The following PARVB variants were observed in gnomAD, a reference collection of about 807,000 sequenced individuals.
The protein encoded by PARVB is beta-parvin.
In PARVB, 46 loss-of-function variants were observed where a neutral mutation model predicts 47.0. That is an observed-to-expected ratio of 0.98 (90% CI 0.77 to 1.25). The LOEUF is 1.25. Among genes scored for constraint, PARVB ranks in the 50% most tolerant of loss-of-function variants. PARVB has a pLI of 0.00. For missense variants in PARVB, 473 were observed against 471.6 expected, an observed-to-expected ratio of 1.00 and a Z score of -0.03; for synonymous variants, 196 against 196.3, an observed-to-expected ratio of 1.00 and a Z score of 0.01.
rs565126055 is a variant in PARVB, at chr22:44,167,242, G to A, written c.1019-1360G>A. 3.0e-4 allele frequency among the ~76,000 whole-genome samples: 45 copies of A among 152,334 alleles called. 1 individual carries two copies. The East Asian group carries it at 6.8e-3, about 23-fold the overall frequency. On this transcript the variant is annotated intron_variant, in intron 12 of 12. Coordinates refer to ENST00000338758, the MANE Select transcript of PARVB (RefSeq NM_013327.5). Reference sequence around the variant, plus strand: ...TGGCTCGCTCCAAATTCACAGAGCCGAGTGCGGAGCTCGATGGTGGGGTGG... The same window carrying A: ...TGGCTCGCTCCAAATTCACAGAGCCAAGTGCGGAGCTCGATGGTGGGGTGG...
In PARVB at chr22:44,017,473, A is replaced by C. The variant is rs2050595825; in HGVS notation, c.211+17800A>C. On this transcript the variant is annotated intron_variant, in intron 2 of 13. Transcript: ENST00000406477. ...TGCCAGGAACCCTCCAGTAACGCAA[A>C]GCCCAAGACAGTTCCTCTTACAATT... Among the ~76,000 whole-genome samples the C allele has an allele frequency of 2.0e-5, 3 of 152,210 alleles. No homozygotes were observed. In the South Asian group the frequency reaches 6.2e-4, roughly 32 times the overall value.
chr22:44,164,202 G>C (rs1180003464), intron 12 of PARVB, among the ~76,000 whole-genome samples: 1 of 152,170 alleles, frequency 6.6e-6, no homozygotes, highest in African/African-American at 2.4e-5. Flanking sequence ...GATTAAGTGC[G>C]TCTCTAGCTG....
rs1209254854 is a variant in PARVB at position 44,044,322 on chromosome 22, CT to C, written c.112+19872del. 7.3e-5 allele frequency among the ~76,000 whole-genome samples: 11 copies of C among 151,556 alleles called. No homozygotes were observed. The East Asian group carries it at 1.9e-3, about 27-fold the overall frequency. The stretch of plus-strand genomic sequence containing the variant: ...TCTTCTGCCTCAGCCTCCCGAGTAG[CT>C]GGGACTACAGGCACCCGCCACAGTG... On this transcript the variant is annotated intron_variant, in intron 1 of 12. Coordinates refer to ENST00000338758, the MANE Select transcript of PARVB (RefSeq NM_013327.5).
chr22:44,153,292 A>G (rs2053850078), intron 10 of PARVB: 1 of 152,058 alleles, frequency 6.6e-6, no homozygotes. Context: ...ACTGCAGTTC[A>G]TGGTTGGATG....
At chr22:44,074,557 G>A (rs1156742469) in intron 1 of PARVB, among the ~76,000 whole-genome samples, 1 of 152,194 alleles carries the variant, frequency 6.6e-6, no homozygotes, top group Non-Finnish European at 1.5e-5. Flanking sequence ...AGGGCTTCAG[G>A]CAAGCTGCTG....
chr22:44,137,246 C>G (rs1374195650), intron 7 of PARVB, among the ~76,000 whole-genome samples: 2 of 152,222 alleles, frequency 1.3e-5, no homozygotes, highest in Non-Finnish European at 2.9e-5. Flanking sequence ...CCACTCGTGG[C>G]TTGCAAGCTC....
At chr22:44,028,786 C>T (rs184827782) in intron 1 of PARVB, among the ~76,000 whole-genome samples, 1 of 152,302 alleles carries the variant, frequency 6.6e-6, no homozygotes, top group Non-Finnish European at 1.5e-5. Flanking sequence ...TCTGCATCCT[C>T]ACCAGTATTT....
At chr22:44,096,353 A>G (rs2147054120) in intron 2 of PARVB, among the ~76,000 whole-genome samples, 1 of 152,314 alleles carries the variant, frequency 6.6e-6, no homozygotes, top group African/African-American at 2.4e-5. Flanking sequence ...AGCCAAGATC[A>G]CACCACTGCA....
intron 2 of PARVB, among the ~76,000 whole-genome samples, chr22:44,018,673 C>T (rs936108414): frequency 1.3e-5 from 2 of 152,246 alleles, no homozygotes; most frequent in East Asian, 1.9e-4. Context: ...GGGGTTTCCT[C>T]GCTTGGTCCT....
chr22:44,015,606 G>A (rs140454231), intron 2 of PARVB, among the ~76,000 whole-genome samples: 4,554 of 152,274 alleles, frequency 0.03, 92 homozygotes, highest in African/African-American at 0.048. Flanking sequence ...ATCACCTGAG[G>A]TCAGGAGTTT....
intron 12 of PARVB, among the ~76,000 whole-genome samples, chr22:44,165,390 G>A (rs775782309): frequency 3.3e-5 from 5 of 152,204 alleles, no homozygotes; most frequent in African/African-American, 4.8e-5. Flanking sequence ...CTGCTCGACA[G>A]CACGGATCAA....
At chr22:44,150,916 G>C (rs1013214797) in intron 9 of PARVB, 1 of 151,792 alleles carries the variant, frequency 6.6e-6, no homozygotes, top group Non-Finnish European at 1.5e-5. Flanking sequence ...CCAGCTACTC[G>C]GGAGGCTGAG....
chr22:44,082,253 T>G (rs1392462912), intron 1 of PARVB, among the ~76,000 whole-genome samples: 1 of 152,182 alleles, frequency 6.6e-6, no homozygotes, highest in Non-Finnish European at 1.5e-5. Context: ...GTGCGGTGGT[T>G]CGTGCCTGTA....
At chr22:44,008,732 T>A (rs1346938383) in intron 2 of PARVB, among the ~76,000 whole-genome samples, 2 of 151,872 alleles carry the variant, frequency 1.3e-5, no homozygotes, top group Non-Finnish European at 2.9e-5. Context: ...ATGCCTGTAA[T>A]CCCAGCGCTT....
Position 44,172,390 on chromosome 22 carries a change from G to A in PARVB, c.*3712G>A, listed in dbSNP as rs994832821. The A allele has an allele frequency of 6.5e-6, 1 of 153,214 alleles. No homozygotes were observed. Among genetic ancestry groups the A allele is most frequent in the East Asian group, 1.9e-4 (1 of 5,194 alleles). 9.5% of individuals were successfully genotyped at this position (153,214 alleles called of 1,614,324 possible). A position where few individuals can be genotyped will look rare whatever the true frequency, so the allele number is the denominator to read the frequency against. ...AGGAACTGAGTGAAAGCAAGGCCAA[G>A]TATGTCCACCCATGGGGACAAACGT... is the stretch of plus-strand genomic sequence containing the variant. On this transcript the variant is annotated 3_prime_UTR_variant, in exon 13 of 13. Transcript: ENST00000338758.
At chr22:44,025,814 C>T (rs1360727714) in intron 1 of PARVB, among the ~76,000 whole-genome samples, 1 of 152,216 alleles carries the variant, frequency 6.6e-6, no homozygotes. Flanking sequence ...CGATTATAGA[C>T]GCAAGTGACG....
At chr22:44,168,278 G>A (rs2054213214) in intron 12 of PARVB, 1 of 273,940 alleles carries the variant, frequency 3.7e-6, no homozygotes. Context: ...GTCCCGGTAA[G>A]TGTCATTAGC....
chr22:44,028,751 G>C (rs902263624), intron 1 of PARVB, among the ~76,000 whole-genome samples: 4 of 152,178 alleles, frequency 2.6e-5, no homozygotes, highest in Non-Finnish European at 4.4e-5. Context: ...TTTATTCACC[G>C]GTGGCGAACG....
At chr22:44,094,348 TGCCATGCCAC>T (rs932393512) in intron 2 of PARVB, among the ~76,000 whole-genome samples, 47 of 152,002 alleles carry the variant, frequency 3.1e-4, no homozygotes, top group African/African-American at 9.9e-4. Flanking sequence ...CTCAGGGCCA[TGCCATGCCAC>T]GCCATGCCAC....
Sources: allele counts gnomAD v4.1 joint callset (sites outside exome capture counted in the v4.1 genomes callset), GRCh38; gene constraint gnomAD v4.1.1; transcripts MANE v1.5; gene names NCBI Gene and HGNC (gene_info 2026-07-23, HGNC 2026-07-21).